Variants in KCND2 observed in about 807,000 individuals in gnomAD.
The protein encoded by KCND2 is A-type voltage-gated potassium channel KCND2.
In KCND2, 16 loss-of-function variants were observed where a neutral mutation model predicts 54.4. That is an observed-to-expected ratio of 0.29 (90% confidence interval 0.20 to 0.45). The LOEUF (loss-of-function observed/expected upper bound fraction) is 0.45. Ranked by LOEUF, KCND2 falls within the 20% of genes least tolerant of loss-of-function variation. KCND2 has a pLI of 1.00. For synonymous variants in KCND2, 317 were observed against 310.7 expected, an observed-to-expected ratio of 1.02 and a Z score of -0.21; for missense variants, 486 against 824.2, an observed-to-expected ratio of 0.59 and a Z score of 5.02.
chr7:120,398,180 CAT>C lies in KCND2; in HGVS notation c.1115+122444_1115+122445del, dbSNP rs910944553. Among the ~76,000 whole-genome samples the C allele has an allele frequency of 1.7e-4, 19 of 114,886 alleles. No individual in the cohort carries two copies. In the East Asian group the frequency reaches 2.7e-3, roughly 16 times the overall value. The allele number at this position is 114,886 out of a possible 152,430, so 75.4% of individuals were successfully genotyped here. On this transcript the variant is annotated intron_variant, in intron 1 of 5. Coordinates refer to ENST00000331113, the MANE Select transcript of KCND2 (RefSeq NM_012281.3). Reference sequence around the variant, plus strand: ...ACATATATACACACACACACACACACATATATATATATTTAACAGTAAGATGA... The same window carrying C: ...ACATATATACACACACACACACACACATATATATATTTAACAGTAAGATGA...
intron 1 of KCND2, among the ~76,000 whole-genome samples, chr7:120,339,506 TGTGTGTGTGTGTGTG>T (rs1800208603): frequency 1.7e-3 from 1 of 588 alleles, no homozygotes. Context: ...TAGAAGGCTG[TGTGTGTGTGTGTGTG>T]TGTGTGTGTG....
chr7:120,678,183 G>C (rs557295061), intron 1 of KCND2, among the ~76,000 whole-genome samples: 2 of 151,512 alleles, frequency 1.3e-5, no homozygotes, highest in African/African-American at 4.8e-5. Flanking sequence ...AGATGGTTAG[G>C]GGGTTCTGAC....
chr7:120,676,793 G>C (rs1182690208), intron 1 of KCND2, among the ~76,000 whole-genome samples: 1 of 152,162 alleles, frequency 6.6e-6, no homozygotes, highest in Non-Finnish European at 1.5e-5. Context: ...GTTTCGAAAT[G>C]TAATGACCAA....
chr7:120,602,082 T>C (rs1384360812), intron 1 of KCND2, among the ~76,000 whole-genome samples: 10 of 152,182 alleles, frequency 6.6e-5, no homozygotes. Context: ...CAGACTTCCA[T>C]ACCAACTGAC....
intron 1 of KCND2, among the ~76,000 whole-genome samples, chr7:120,405,271 ATGTGC>A (rs941449052): frequency 1.3e-5 from 2 of 152,146 alleles, no homozygotes; most frequent in African/African-American, 4.8e-5. Flanking sequence ...AACATTTACC[ATGTGC>A]TAGTTCAAGC....
chr7:120,285,605 T>C (rs1283459170), intron 1 of KCND2, among the ~76,000 whole-genome samples: 1 of 151,988 alleles, frequency 6.6e-6, no homozygotes, highest in Non-Finnish European at 1.5e-5. Context: ...CAAATGAATA[T>C]TTTTCCAATC....
chr7:120,384,801 G>C (rs1014841578), intron 1 of KCND2, among the ~76,000 whole-genome samples: 6 of 151,994 alleles, frequency 3.9e-5, no homozygotes, highest in Non-Finnish European at 8.8e-5. Flanking sequence ...TTAATAACAT[G>C]GCTATGCCTG....
At chr7:120,356,222 A>T (rs1405980987) in intron 1 of KCND2, among the ~76,000 whole-genome samples, 4 of 152,094 alleles carry the variant, frequency 2.6e-5, no homozygotes, top group Admixed American at 1.3e-4. Context: ...ACTGAGATGT[A>T]ATATACTCCC....
At chr7:120,618,548 C>T (rs1451136576) in intron 1 of KCND2, among the ~76,000 whole-genome samples, 1 of 146,068 alleles carries the variant, frequency 6.8e-6, no homozygotes, top group African/African-American at 2.5e-5. Context: ...AATTAACACT[C>T]TTTTTTTTTT....
intron 1 of KCND2, among the ~76,000 whole-genome samples, chr7:120,595,927 A>C (rs1584846722): frequency 6.6e-6 from 1 of 151,914 alleles, no homozygotes; most frequent in South Asian, 2.1e-4. Context: ...GGCAGGCAGG[A>C]AGGAAGGGGA....
chr7:120,438,064 G>GT (rs1801896369), intron 1 of KCND2, among the ~76,000 whole-genome samples: 1 of 152,166 alleles, frequency 6.6e-6, no homozygotes. Context: ...AACCAGATGA[G>GT]TGGCTGTCAT....
chr7:120,598,798 A>T (rs1269867874), intron 1 of KCND2, among the ~76,000 whole-genome samples: 1 of 152,206 alleles, frequency 6.6e-6, no homozygotes, highest in Non-Finnish European at 1.5e-5. Context: ...AGTCTTTTAA[A>T]GATAAATGTT....
At chr7:120,317,725 A>G (rs1276620665) in intron 1 of KCND2, among the ~76,000 whole-genome samples, 1 of 152,198 alleles carries the variant, frequency 6.6e-6, no homozygotes. Flanking sequence ...ATGGCTTCAG[A>G]AATTAAATTG....
intron 1 of KCND2, among the ~76,000 whole-genome samples, chr7:120,661,284 G>A (rs991316230): frequency 3.9e-5 from 6 of 152,094 alleles, no homozygotes; most frequent in Non-Finnish European, 7.4e-5. Context: ...ATATTCTAAC[G>A]CATCATTAGT....
intron 1 of KCND2, among the ~76,000 whole-genome samples, chr7:120,354,929 T>C (rs1458339632): frequency 6.6e-6 from 1 of 152,222 alleles, no homozygotes; most frequent in East Asian, 1.9e-4. Flanking sequence ...AGGTGTATGT[T>C]CAAATGAGTA....
At chr7:120,316,428 C>T (rs1351640890) in intron 1 of KCND2, among the ~76,000 whole-genome samples, 2 of 152,160 alleles carry the variant, frequency 1.3e-5, no homozygotes, top group African/African-American at 4.8e-5. Context: ...TTCATAACTA[C>T]CTTGAACTTA....
chr7:120,365,344 C>T (rs549369117), intron 1 of KCND2, among the ~76,000 whole-genome samples: 5 of 152,000 alleles, frequency 3.3e-5, no homozygotes, highest in Non-Finnish European at 5.9e-5. Context: ...AGCAAGAATG[C>T]AAGGTTAGGC....
chr7:120,404,286 C>T (rs1360335066), intron 1 of KCND2, among the ~76,000 whole-genome samples: 1 of 152,142 alleles, frequency 6.6e-6, no homozygotes, highest in Admixed American at 6.6e-5. Context: ...CTGTGTGACA[C>T]GAGACCCTCT....
At chr7:120,712,966 T>A (rs1395326434) in intron 1 of KCND2, among the ~76,000 whole-genome samples, 1 of 152,154 alleles carries the variant, frequency 6.6e-6, no homozygotes, top group African/African-American at 2.4e-5. Flanking sequence ...TCAGCTCTTT[T>A]AAAAATGTGA....
Sources: allele counts gnomAD v4.1 joint callset (sites outside exome capture counted in the v4.1 genomes callset), GRCh38; gene constraint gnomAD v4.1.1; transcripts MANE v1.5; gene names NCBI Gene and HGNC (gene_info 2026-07-23, HGNC 2026-07-21).